Variants in DNAH6 observed in about 807,000 individuals in gnomAD.
The protein encoded by DNAH6 is axonemal beta dynein heavy chain 6.
In DNAH6, 340 loss-of-function variants were observed where a neutral mutation model predicts 491.4. The ratio of observed to expected loss-of-function variants is 0.69; its 90% CI spans 0.63 to 0.76. The LOEUF is 0.76. DNAH6 is among the 30% of genes least tolerant of loss of function. DNAH6 has a pLI of 0.00. For synonymous variants in DNAH6, 1,603 were observed against 1,686.1 expected, an observed-to-expected ratio of 0.95 and a Z score of 1.21; for missense variants, 4,443 against 4,972.2, an observed-to-expected ratio of 0.89 and a Z score of 3.20.
At chr2:84,565,656 C>T (rs2104646540) in intron 11 of DNAH6, among the ~76,000 whole-genome samples, 1 of 152,062 alleles carries the variant, frequency 6.6e-6, no homozygotes. Flanking sequence ...TTTTCTGCCT[C>T]AATGATCAGT....
intron 15 of DNAH6, chr2:84,584,945 A>G (rs1354475597): frequency 6.6e-6 from 1 of 152,264 alleles, no homozygotes; most frequent in East Asian, 1.9e-4. Context: ...GTAGTGAAGA[A>G]TATTTGGTTA....
chr2:84,675,987 G>T (rs766290338), intron 40 of DNAH6, among the ~76,000 whole-genome samples: 4 of 152,162 alleles, frequency 2.6e-5, no homozygotes, highest in Non-Finnish European at 5.9e-5. Context: ...CACTAAAGCT[G>T]CTTTAAGACG....
rs763603597 is a variant in DNAH6, at chr2:84,573,599, AT to A, written c.1924+15del. On this transcript the variant is annotated intron_variant, in intron 12 of 76. Coordinates refer to ENST00000389394, the MANE Select transcript of DNAH6 (RefSeq NM_001370.2). ...ACTTCAGGAACCTGGTAACTTGTCC[AT>A]TTGTACTTACTAATTATTTTTATAG... The A allele has an allele frequency of 3.9e-6, 6 of 1,546,306 alleles. No homozygotes were observed. Among genetic ancestry groups the A allele is most frequent in the Non-Finnish European group, 5.2e-6 (6 of 1,157,506 alleles).
chr2:84,584,040 G>A lies in DNAH6; in HGVS notation c.2271G>A (p.Met757Ile), dbSNP rs1394224824. 1 of 1,614,032 alleles carries A rather than the reference G, an allele frequency of 6.2e-7. No homozygotes were observed. The highest frequency in any genetic ancestry group is 1.3e-5 in the African/African-American group (1 of 74,932). The change falls in exon 15 of 77, where the codon ATG becomes ATA. Residue 757 changes from methionine to isoleucine, a missense_variant. Physicochemically the swap from Met to Ile is conservative, Grantham distance 10. This residue lies in a region of DNAH6 where 2,977 missense variants were observed against 3,296.6 expected (regional missense o/e 0.90). Coordinates refer to ENST00000389394, the MANE Select transcript of DNAH6 (RefSeq NM_001370.2). Reference protein sequence around the residue: ...LEDEGNIVTQMYKLMEQYQVP... With the variant: ...LEDEGNIVTQIYKLMEQYQVP... Reference sequence around the variant, plus strand: ...ATGAGGGGAATATAGTGACTCAAATGTACAAGCTTATGGAACAATATCAGG... The same window carrying A: ...ATGAGGGGAATATAGTGACTCAAATATACAAGCTTATGGAACAATATCAGG...
At chr2:84,626,774 G>A (rs2104429489) in intron 29 of DNAH6, among the ~76,000 whole-genome samples, 1 of 152,178 alleles carries the variant, frequency 6.6e-6, no homozygotes, top group Non-Finnish European at 1.5e-5. Flanking sequence ...GCTAATTTTT[G>A]TATTTTTAGC....
intron 11 of DNAH6, among the ~76,000 whole-genome samples, chr2:84,569,664 C>T (rs1043380414): frequency 2.0e-5 from 3 of 152,154 alleles, no homozygotes; most frequent in African/African-American, 7.2e-5. Context: ...ACCATAACTG[C>T]AGCAAATACT....
At chr2:84,781,057 C>G (rs11685490) in intron 64 of DNAH6, among the ~76,000 whole-genome samples, 4,099 of 152,184 alleles carry the variant, frequency 0.027, 79 homozygotes, top group South Asian at 0.061. Flanking sequence ...AATTCATTGA[C>G]CCATACACTA....
At chr2:84,782,912 G>A (rs1053079273) in intron 65 of DNAH6, among the ~76,000 whole-genome samples, 2 of 152,172 alleles carry the variant, frequency 1.3e-5, no homozygotes, top group Admixed American at 6.5e-5. Flanking sequence ...ACTAGGACAA[G>A]AACATTTGCC....
Position 84,588,858 on chromosome 2 carries a change from A to G in DNAH6, c.2514A>G (p.Gln838=). The change falls in exon 16 of 77, where the codon CAA becomes CAG. Residue 838 remains glutamine (Q), a synonymous_variant. Coordinates refer to ENST00000389394, the MANE Select transcript of DNAH6 (RefSeq NM_001370.2). ...AGATTTTAGATATCTCTGCTGACCA[A>G]GACAAAATAAGGCTCATATTGAATA... The part of the protein sequence containing the change: ...DPQILDISAD[Q]DKIRLILNNL... 1 of 1,550,406 alleles carries G rather than the reference A, an allele frequency of 6.4e-7. No homozygotes were observed. The highest frequency in any genetic ancestry group is 8.7e-7 in the Non-Finnish European group (1 of 1,146,424).
chr2:84,624,957 C>A lies in DNAH6; in HGVS notation c.4409C>A (p.Pro1470Gln). 2.6e-6 allele frequency: 4 copies of A among 1,551,664 alleles called. No homozygotes were observed. Among genetic ancestry groups the A allele is most frequent in the Non-Finnish European group, 3.5e-6 (4 of 1,146,926 alleles). Reference sequence around the variant, plus strand: ...TTGCAGCTTGACCTTGGGGGTGCACCAGCTGGTCCTGCTGGCACTGGGAAA... The same window carrying A: ...TTGCAGCTTGACCTTGGGGGTGCACAAGCTGGTCCTGCTGGCACTGGGAAA... ...GALQLDLGGA[P>Q]AGPAGTGKTE... Residue 1470 changes from proline (P) to glutamine (Q), a missense_variant, in exon 29 of 77, where the codon CCA (proline) becomes CAA (glutamine). Pro to Gln is a moderately conservative substitution (Grantham distance 76). This residue lies in a region of DNAH6 where 2,977 missense variants were observed against 3,296.6 expected (regional missense o/e 0.90). Coordinates refer to ENST00000389394, the MANE Select transcript of DNAH6 (RefSeq NM_001370.2).
chr2:84,587,092 C>G (rs944557421), intron 15 of DNAH6, among the ~76,000 whole-genome samples: 8 of 152,046 alleles, frequency 5.3e-5, no homozygotes, highest in African/African-American at 1.7e-4. Flanking sequence ...TTTTTCTGAT[C>G]CTCTCCCTCC....
chr2:84,502,208 T>G, the DNAH6 span, among the ~76,000 whole-genome samples: 4 of 152,156 alleles, frequency 2.6e-5, no homozygotes, highest in African/African-American at 9.7e-5. Flanking sequence ...CCATAGGGTT[T>G]GGTATATTGT....
At chr2:84,675,169 C>T (rs1693113083) in intron 40 of DNAH6, among the ~76,000 whole-genome samples, 1 of 152,202 alleles carries the variant, frequency 6.6e-6, no homozygotes, top group South Asian at 2.1e-4. Context: ...CACTGTGTGT[C>T]TTTATGGCCT....
chr2:84,509,182 T>A, the DNAH6 span, among the ~76,000 whole-genome samples: 1 of 152,146 alleles, frequency 6.6e-6, no homozygotes, highest in South Asian at 2.1e-4. Context: ...AAAGTCTCCC[T>A]TTATTATTGT....
At chr2:84,553,843 A>G (rs190014800) in intron 10 of DNAH6, among the ~76,000 whole-genome samples, 44 of 152,240 alleles carry the variant, frequency 2.9e-4, no homozygotes, top group Non-Finnish European at 4.4e-4. Context: ...AGTTATCCAT[A>G]GCGGTGTAAC....
chr2:84,688,395 C>T, intron 44 of DNAH6, 44 bp from the exon 45 acceptor site: 7 of 1,432,290 alleles, frequency 4.9e-6, no homozygotes, highest in Non-Finnish European at 6.4e-6. Context: ...GGTTATGTGT[C>T]TATCAGAATT....
chr2:84,588,114 C>A (rs993354403), intron 15 of DNAH6, among the ~76,000 whole-genome samples: 2 of 152,164 alleles, frequency 1.3e-5, no homozygotes, highest in Non-Finnish European at 2.9e-5. Context: ...CATATCATGC[C>A]AAGTCACAAG....
the DNAH6 span, among the ~76,000 whole-genome samples, chr2:84,465,620 A>G: frequency 6.6e-6 from 1 of 152,258 alleles, no homozygotes; most frequent in Non-Finnish European, 1.5e-5. Flanking sequence ...ACTAAATTAG[A>G]AAGCTTTCCA....
intron 4 of DNAH6, among the ~76,000 whole-genome samples, chr2:84,538,848 C>T (rs533192000): frequency 1.3e-5 from 2 of 152,090 alleles, no homozygotes; most frequent in Admixed American, 6.6e-5. Context: ...TAAAATCTCA[C>T]ACTAAAGCTC....
Sources: allele counts gnomAD v4.1 joint callset (sites outside exome capture counted in the v4.1 genomes callset), GRCh38; gene constraint gnomAD v4.1.1; regional missense constraint gnomAD v4.1.1; transcripts MANE v1.5; gene names NCBI Gene and HGNC (gene_info 2026-07-23, HGNC 2026-07-21).